Variants in CHM observed in about 807,000 individuals in gnomAD.
CHM encodes CHM Rab escort protein.
Under a neutral mutation model 49.0 loss-of-function variants are expected in CHM, and 10 were observed. That is an observed-to-expected ratio of 0.20 (90% CI 0.13 to 0.35). CHM has a LOEUF of 0.35. Among genes scored for constraint, CHM ranks in the 10% least tolerant of loss-of-function variants. CHM has a pLI of 1.00. For synonymous variants in CHM, 184 were observed against 167.5 expected (o/e 1.10, Z -0.76); for missense variants, 455 against 478.4 (o/e 0.95, Z 0.46).
At chrX:85,924,530 T>A (rs1044895245) in intron 8 of CHM, among the ~76,000 whole-genome samples, 4 of 111,805 alleles carry the variant, frequency 3.6e-5, no homozygotes, top group Non-Finnish European at 7.5e-5. Flanking sequence ...GGGGTGATTA[T>A]TAGAGACAGC....
intron 8 of CHM, among the ~76,000 whole-genome samples, chrX:85,924,969 T>C (rs940335119): frequency 8.9e-6 from 1 of 112,158 alleles, no homozygotes; most frequent in African/African-American, 3.2e-5. Context: ...AGACTGTAGA[T>C]GATACATTCA....
intron 8 of CHM, among the ~76,000 whole-genome samples, chrX:85,914,219 G>A (rs978815429): frequency 5.4e-5 from 6 of 110,811 alleles, no homozygotes; most frequent in African/African-American, 2.0e-4. Context: ...TTGCAGTGGA[G>A]CACAACCAAG....
At chrX:86,033,324 C>G (rs1308100700) in intron 1 of CHM, among the ~76,000 whole-genome samples, 3 of 112,122 alleles carry the variant, frequency 2.7e-5, no homozygotes, top group African/African-American at 9.7e-5. Context: ...GTACTTTCAG[C>G]TCAAATCATA....
At chrX:85,981,451 C>T (rs979619756) in intron 3 of CHM, among the ~76,000 whole-genome samples, 1 of 109,545 alleles carries the variant, frequency 9.1e-6, no homozygotes, top group African/African-American at 3.3e-5. Context: ...CCAGGCTGGT[C>T]TCGAACTCCT....
intron 1 of CHM, among the ~76,000 whole-genome samples, chrX:86,044,337 G>C (rs1934581781): frequency 8.9e-6 from 1 of 111,826 alleles, no homozygotes; most frequent in Non-Finnish European, 1.9e-5. Flanking sequence ...ATGTCTAATA[G>C]CAACCCCACC....
chrX:85,998,925 T>C (rs1169453092), intron 2 of CHM, among the ~76,000 whole-genome samples: 1 of 111,608 alleles, frequency 9.0e-6, no homozygotes, highest in Non-Finnish European at 1.9e-5. Flanking sequence ...TTGTAATATA[T>C]AGATATATAC....
At chrX:85,969,243 G>C (rs940681073) in intron 4 of CHM, 161 of 725,665 alleles carry the variant, frequency 2.2e-4, no homozygotes, top group Non-Finnish European at 2.6e-4. Context: ...GACAGAAAAT[G>C]TATAAAGCTA....
intron 2 of CHM, among the ~76,000 whole-genome samples, chrX:85,995,188 T>C (rs1225022910): frequency 1.1e-5 from 1 of 87,807 alleles, no homozygotes; most frequent in African/African-American, 4.4e-5. Context: ...ACCATACAAA[T>C]ACATAAATTA....
intron 11 of CHM, among the ~76,000 whole-genome samples, chrX:85,898,497 C>G: frequency 9.0e-6 from 1 of 111,587 alleles, no homozygotes. Context: ...GAAATATATA[C>G]TAATCTTTTA....
chrX:85,984,221 A>G (rs1223732318), intron 2 of CHM, among the ~76,000 whole-genome samples: 2 of 111,447 alleles, frequency 1.8e-5, no homozygotes, highest in East Asian at 5.6e-4. Context: ...ATAAAAAATA[A>G]AAAATAAAAA....
chrX:86,006,215 C>T (rs975025904), intron 2 of CHM, among the ~76,000 whole-genome samples: 2 of 111,439 alleles, frequency 1.8e-5, no homozygotes, highest in African/African-American at 6.5e-5. Flanking sequence ...ATTTAACAGC[C>T]CTTCATGCTA....
chrX:85,976,875 AACACACACACAC>A lies in CHM; in HGVS notation c.314+1880_314+1891del, dbSNP rs201555478. On this transcript the variant is annotated intron_variant, in intron 4 of 14. Transcript: ENST00000357749. ...CAATGCTAGGGGGAAAACACACACA[AACACACACACAC>A]ACACACACACACACACACACACACA... is the stretch of plus-strand genomic sequence containing the variant. Among the ~76,000 whole-genome samples the A allele has an allele frequency of 4.0e-3, 308 of 76,306 alleles. 1 individual carries two copies. The highest frequency in any genetic ancestry group is 0.011 in the African/African-American group (277 of 24,983). The allele number at this position is 76,306 out of a possible 115,157, so 66.3% of individuals were successfully genotyped here. A position where few individuals can be genotyped will look rare whatever the true frequency, so the allele number is the denominator to read the frequency against.
intron 8 of CHM, among the ~76,000 whole-genome samples, chrX:85,913,207 T>A (rs1603248826): frequency 1.1e-5 from 1 of 94,455 alleles, no homozygotes; most frequent in African/African-American, 4.0e-5. Context: ...TCCCAGCTAC[T>A]TGGGAGGCTG....
intron 5 of CHM, 62 bp downstream of exon 5, chrX:85,963,603 A>G: frequency 1.0e-6 from 1 of 1,001,583 alleles, no homozygotes; most frequent in Admixed American, 2.3e-5. Flanking sequence ...AGAATTACAA[A>G]AACTGGGTTT....
At chrX:86,025,703 AAAAAGAAAAAGG>A (rs1167403236) in intron 2 of CHM, among the ~76,000 whole-genome samples, 2 of 95,767 alleles carry the variant, frequency 2.1e-5, no homozygotes, top group East Asian at 4.0e-4. Flanking sequence ...AGAAAGAAAG[AAAAAGAAAAAGG>A]AAAAGAAAAA....
intron 2 of CHM, among the ~76,000 whole-genome samples, chrX:86,018,088 TTC>T (rs1450937231): frequency 2.7e-5 from 3 of 112,235 alleles, no homozygotes; most frequent in African/African-American, 9.7e-5. Flanking sequence ...GCAGAGCTCA[TTC>T]TCTGACAATA....
intron 14 of CHM, among the ~76,000 whole-genome samples, chrX:85,867,432 T>C (rs1400640592): frequency 8.9e-6 from 1 of 112,279 alleles, no homozygotes; most frequent in East Asian, 2.8e-4. Flanking sequence ...GTGGTATCTT[T>C]ATAGCAGTGT....
At chrX:85,956,540 A>ATC (rs1930018322) in intron 7 of CHM, among the ~76,000 whole-genome samples, 162 bp from the exon 8 acceptor site, 1 of 111,325 alleles carries the variant, frequency 9.0e-6, no homozygotes, top group Non-Finnish European at 1.9e-5. Context: ...AATGGAAACA[A>ATC]TCTCTCTCTC....
intron 2 of CHM, 119 bp from the exon 3 acceptor site, chrX:85,981,928 C>A: frequency 1.7e-6 from 1 of 575,391 alleles, no homozygotes; most frequent in Non-Finnish European, 2.8e-6. Context: ...ATATTACTGC[C>A]TCAAGAGTTC....
Sources: gnomAD v4.1 joint callset for allele counts (sites outside exome capture counted in the v4.1 genomes callset) on GRCh38, gnomAD v4.1.1 for gene constraint, MANE v1.5 for transcripts, NCBI Gene and HGNC (gene_info 2026-07-23, HGNC 2026-07-21) for gene names.